The following GLIS1 variants were observed in gnomAD, a reference collection of about 807,000 sequenced individuals.
The protein encoded by GLIS1 is GLIS family zinc finger 1, also known as zinc finger protein GLIS1.
A neutral mutation model predicts 63.8 loss-of-function variants in GLIS1; 24 were observed. That is an observed-to-expected ratio of 0.38 (90% CI 0.27 to 0.53). The LOEUF is 0.53. GLIS1 is among the 20% of genes least tolerant of loss of function. The probability of loss-of-function intolerance (pLI) is 0.85; values close to 1 mark genes in which losing one functional copy is unlikely to be tolerated. For missense variants in GLIS1, 1,036 were observed against 1,074.1 expected (o/e 0.96, Z 0.50); for synonymous variants, 450 against 482.5 (o/e 0.93, Z 0.88).
chr1:53,700,249 G>A (rs1270535712), intron 2 of GLIS1, among the ~76,000 whole-genome samples: 1 of 152,178 alleles, frequency 6.6e-6, no homozygotes, highest in Non-Finnish European at 1.5e-5. Context: ...CCAGGCCACT[G>A]CCAGCCCTCA....
chr1:53,631,742 G>A (rs1053489410), intron 2 of GLIS1, among the ~76,000 whole-genome samples: 3 of 152,086 alleles, frequency 2.0e-5, no homozygotes, highest in African/African-American at 7.2e-5. Flanking sequence ...ACTGAGAAGT[G>A]TAACGGGTAA....
At chr1:53,569,471 GTC>G (rs1644963954) in intron 4 of GLIS1, among the ~76,000 whole-genome samples, 1 of 133,508 alleles carries the variant, frequency 7.5e-6, no homozygotes, top group African/African-American at 2.5e-5. Context: ...AAAAAAGAAA[GTC>G]TATTTTTTTT....
At position 53,543,919 on chromosome 1, in the gene GLIS1, G is replaced by A. The variant is rs376077035; in HGVS notation, c.1321-13967C>T. Among the ~76,000 whole-genome samples, 30 of 152,250 alleles carry A rather than the reference G, an allele frequency of 2.0e-4. 1 individual carries two copies. The highest frequency in any genetic ancestry group is 7.0e-4 in the African/African-American group (29 of 41,534). On this transcript the variant is annotated intron_variant, in intron 4 of 10. Coordinates refer to ENST00000628545, the MANE Select transcript of GLIS1 (RefSeq NM_001367484.1). Reference sequence around the variant, plus strand: ...ACTTGCAAGAGAGGACCGTGTCACTGAGAAAAGTTACATCCACACGGGAGA... The same window carrying A: ...ACTTGCAAGAGAGGACCGTGTCACTAAGAAAAGTTACATCCACACGGGAGA...
intron 2 of GLIS1, among the ~76,000 whole-genome samples, chr1:53,701,640 C>T (rs909276445): frequency 2.0e-5 from 3 of 152,204 alleles, no homozygotes; most frequent in African/African-American, 7.2e-5. Flanking sequence ...TGGCTCTTAA[C>T]CACCAGGACC....
chr1:53,703,637 T>A (rs1646547074), intron 2 of GLIS1, among the ~76,000 whole-genome samples: 1 of 130,420 alleles, frequency 7.7e-6, no homozygotes, highest in Admixed American at 7.9e-5. Flanking sequence ...AGACCCTGTC[T>A]CTAAAAAAAA....
intron 2 of GLIS1, among the ~76,000 whole-genome samples, chr1:53,735,779 G>T (rs1356985936): frequency 6.6e-6 from 1 of 152,060 alleles, no homozygotes; most frequent in Non-Finnish European, 1.5e-5. Context: ...GGGAGTAGGG[G>T]CAGTAAGAAG....
intron 2 of GLIS1, among the ~76,000 whole-genome samples, chr1:53,704,736 C>G (rs1646559759): frequency 6.6e-6 from 1 of 152,212 alleles, no homozygotes; most frequent in African/African-American, 2.4e-5. Context: ...GCCCCTGGCT[C>G]TGTGGGCTCT....
intron 4 of GLIS1, among the ~76,000 whole-genome samples, chr1:53,586,735 TA>T (rs1379862118): frequency 2.0e-5 from 3 of 152,096 alleles, no homozygotes; most frequent in Non-Finnish European, 4.4e-5. Context: ...AGCACCAGAT[TA>T]GGGGGTAGAC....
intron 2 of GLIS1, among the ~76,000 whole-genome samples, chr1:53,711,526 G>A (rs1462402848): frequency 3.9e-5 from 6 of 152,218 alleles, no homozygotes; most frequent in Non-Finnish European, 8.8e-5. Flanking sequence ...CTCCAGGTGG[G>A]GAGAGCACAG....
At chr1:53,672,772 A>G (rs189541106) in intron 2 of GLIS1, among the ~76,000 whole-genome samples, 1 of 152,304 alleles carries the variant, frequency 6.6e-6, no homozygotes, top group African/African-American at 2.4e-5. Context: ...CCTTCCCGAC[A>G]CAAACCTCGA....
chr1:53,562,980 G>A (rs1644906184), intron 4 of GLIS1, among the ~76,000 whole-genome samples: 1 of 152,180 alleles, frequency 6.6e-6, no homozygotes, highest in Non-Finnish European at 1.5e-5. Flanking sequence ...TGTGCTTCTG[G>A]GCCATTCTGC....
intron 4 of GLIS1, among the ~76,000 whole-genome samples, chr1:53,544,047 C>A (rs1191027109): frequency 6.6e-6 from 1 of 152,164 alleles, no homozygotes; most frequent in Admixed American, 6.5e-5. Context: ...AGCCCAGATG[C>A]CTGGCTCAGC....
At chr1:53,581,726 T>A (rs1474666610) in intron 4 of GLIS1, among the ~76,000 whole-genome samples, 1 of 151,878 alleles carries the variant, frequency 6.6e-6, no homozygotes, top group Non-Finnish European at 1.5e-5. Flanking sequence ...GGGGCAGCCA[T>A]GTAAAGAGCC....
intron 2 of GLIS1, among the ~76,000 whole-genome samples, chr1:53,689,972 C>A (rs1646384390): frequency 6.6e-6 from 1 of 152,208 alleles, no homozygotes; most frequent in Non-Finnish European, 1.5e-5. Flanking sequence ...TGCTGTCAGG[C>A]CAACACAAGC....
intron 4 of GLIS1, among the ~76,000 whole-genome samples, chr1:53,573,661 C>T (rs1645005463): frequency 1.3e-5 from 2 of 152,222 alleles, no homozygotes; most frequent in African/African-American, 4.8e-5. Flanking sequence ...CATGTACACG[C>T]ACACACACAT....
chr1:53,615,999 C>T (rs979370543), intron 2 of GLIS1, among the ~76,000 whole-genome samples: 13 of 152,176 alleles, frequency 8.5e-5, no homozygotes, highest in South Asian at 6.2e-4. Context: ...CCACCCACCT[C>T]GGCCTGCCAA....
intron 2 of GLIS1, among the ~76,000 whole-genome samples, chr1:53,736,588 A>C (rs547086231): frequency 6.6e-6 from 1 of 152,316 alleles, no homozygotes; most frequent in South Asian, 2.1e-4. Context: ...AACACTCAGC[A>C]GGCATTTCCC....
At chr1:53,707,329 T>C (rs1057237705) in intron 2 of GLIS1, among the ~76,000 whole-genome samples, 4 of 152,178 alleles carry the variant, frequency 2.6e-5, no homozygotes, top group African/African-American at 9.7e-5. Flanking sequence ...AACAACAACA[T>C]GTTCTGTTGC....
intron 2 of GLIS1, among the ~76,000 whole-genome samples, chr1:53,683,308 T>C (rs1646296541): frequency 6.6e-6 from 1 of 150,814 alleles, no homozygotes; most frequent in Admixed American, 6.6e-5. Context: ...ACCGCGTGAA[T>C]GTGATTATAA....
Sources: allele counts gnomAD v4.1 joint callset (sites outside exome capture counted in the v4.1 genomes callset), GRCh38; gene constraint gnomAD v4.1.1; transcripts MANE v1.5; gene names NCBI Gene and HGNC (gene_info 2026-07-23, HGNC 2026-07-21).